The following SSH3 variants were observed in gnomAD, a reference collection of about 807,000 sequenced individuals.
SSH3 encodes protein phosphatase Slingshot homolog 3.
In SSH3, 67 loss-of-function variants were observed where a neutral mutation model predicts 75.0. The ratio of observed to expected loss-of-function variants is 0.89; its 90% CI spans 0.73 to 1.10. The LOEUF (loss-of-function observed/expected upper bound fraction) is 1.10, where lower values mean the gene tolerates loss of function less well. Among genes scored for constraint, SSH3 ranks in the 50% least tolerant of loss-of-function variants. The pLI is 0.00. For missense variants in SSH3, 824 were observed against 872.7 expected (o/e 0.94, Z 0.70); for synonymous variants, 318 against 349.2 (o/e 0.91, Z 1.00).
At chr11:67,305,664 C>G (rs2134769918) in intron 3 of SSH3, among the ~76,000 whole-genome samples, 1 of 152,244 alleles carries the variant, frequency 6.6e-6, no homozygotes, top group African/African-American at 2.4e-5. Flanking sequence ...TGAGCTGTCC[C>G]TAAATGGACC....
Position 67,310,074 on chromosome 11 carries a change from G to C in SSH3, c.1418G>C (p.Ser473Thr), listed in dbSNP as rs748207909. ...GGGCCACCTCCTCACAGCCGCCAGA[G>C]CCATGTCTGGGAGCAGAAAGTGGGT... ...YQGILTASRQ[S>T]HVWEQKVGGV... The change falls in exon 13 of 14, where the codon AGC becomes ACC. Residue 473 changes from serine to threonine, a missense_variant. Physicochemically the swap from Ser to Thr is moderately conservative, Grantham distance 58. Coordinates refer to ENST00000308127, the MANE Select transcript of SSH3 (RefSeq NM_017857.4). The C allele has an allele frequency of 6.2e-7, 1 of 1,613,192 alleles. No individual in the cohort carries two copies. The highest frequency in any genetic ancestry group is 8.5e-7 in the Non-Finnish European group (1 of 1,179,516).
Position 67,304,965 on chromosome 11 carries a change from C to A in SSH3, c.297C>A (p.His99Gln). Residue 99 changes from histidine (H) to glutamine (Q), a missense_variant, in exon 3 of 14, where the codon CAC becomes CAA. His to Gln is a conservative substitution (Grantham distance 24, BLOSUM62 0). Transcript: ENST00000308127. ...AGGAGGAGCAGAGGCAGCACCTGCA[C>A]CTCATGGTACAGCTGCTGAGGCCGC... ...QKQEEQRQHL[H>Q]LMVQLLRPQD... The A allele has an allele frequency of 3.1e-6, 5 of 1,613,234 alleles. No homozygotes were observed. The highest frequency in any genetic ancestry group is 4.2e-6 in the Non-Finnish European group (5 of 1,179,904).
Position 67,308,053 on chromosome 11 carries a change from T to G in SSH3, c.885+114T>G. On this transcript the variant is annotated intron_variant, in intron 8 of 13. Coordinates refer to ENST00000308127, the MANE Select transcript of SSH3 (RefSeq NM_017857.4). The surrounding 1 kb of genome is among the most constrained non-coding windows in gnomAD (Gnocchi z 4.9). ...AGTCCTGAGCCATTCCTGGATGCCT[T>G]GGCCTTGGCCCTAATCCATCTAGAT... is the stretch of plus-strand genomic sequence containing the variant. The G allele has an allele frequency of 6.3e-7, 1 of 1,591,990 alleles. No homozygotes were observed. The highest frequency in any genetic ancestry group is 2.2e-5 in the East Asian group (1 of 44,552).
rs1861298341 is a variant in SSH3, at chr11:67,308,034, G to A, written c.885+95G>A. 3.3e-5 allele frequency: 53 copies of A among 1,596,858 alleles called. No individual in the cohort carries two copies. In the South Asian group the frequency reaches 4.9e-4, roughly 15 times the overall value. ...CCCCACCTTGCCTGTCTCCAGTCCTGAGCCATTCCTGGATGCCTTGGCCTT... is the reference window on the plus strand; with the variant it reads ...CCCCACCTTGCCTGTCTCCAGTCCTAAGCCATTCCTGGATGCCTTGGCCTT... On this transcript the variant is annotated intron_variant, in intron 8 of 13. Coordinates refer to ENST00000308127, the MANE Select transcript of SSH3 (RefSeq NM_017857.4). The surrounding 1 kb of genome is among the most constrained non-coding windows in gnomAD (Gnocchi z 4.9).
At position 67,310,165 on chromosome 11, in the gene SSH3, A is replaced by G. The variant is rs146220260; in HGVS notation, c.1509A>G (p.Glu503=). 1.1e-4 allele frequency: 176 copies of G among 1,614,054 alleles called. No individual in the cohort carries two copies. The highest frequency in any genetic ancestry group is 1.4e-4 in the Non-Finnish European group (166 of 1,180,028). ...VSTPFPPLPP[E]PEGGGEEKVV... ...CACCATTCCCACCTCTTCCGCCAGA[A>G]CCTGAGGGTGGTGGGGAGGAGAAGG... The change falls in exon 13 of 14, where the codon GAA becomes GAG. Residue 503 remains glutamate (E), a synonymous_variant. Transcript: ENST00000308127.
intron 3 of SSH3, among the ~76,000 whole-genome samples, chr11:67,305,451 G>A (rs886993054): frequency 6.6e-6 from 1 of 152,192 alleles, no homozygotes; most frequent in African/African-American, 2.4e-5. Context: ...GCCTCCCTAA[G>A]TGCTGGGATT....
intron 13 of SSH3, among the ~76,000 whole-genome samples, chr11:67,311,197 C>T (rs1030769016): frequency 6.6e-6 from 1 of 152,154 alleles, no homozygotes; most frequent in Admixed American, 6.5e-5. Context: ...CAGCACCGGA[C>T]GCACGCATCC....
Position 67,310,355 on chromosome 11 carries a change from G to T in SSH3, c.1683+16G>T. On this transcript the variant is annotated intron_variant, in intron 13 of 13. Coordinates refer to ENST00000308127, the MANE Select transcript of SSH3 (RefSeq NM_017857.4). The stretch of plus-strand genomic sequence containing the variant: ...CATGCCAGAGGTGAGGCTGGGGCTG[G>T]GGGAGCTCAGCTTGCAGGGGTGGGG... 6.3e-7 allele frequency: 1 copy of T among 1,589,218 alleles called. No homozygotes were observed. The highest frequency in any genetic ancestry group is 1.1e-5 in the South Asian group (1 of 87,860).
In SSH3 at chr11:67,311,689, G is replaced by A. The variant is rs1861419366; in HGVS notation, c.1782G>A (p.Gln594=). ...KGGQQVDRGP[Q]PALKSRQSVV... ...GCCAGCAGGTGGACAGGGGGCCTCA[G>A]CCTGCCCTGAAGTCCCGCCAGTCAG... is the stretch of plus-strand genomic sequence containing the variant. The change falls in exon 14 of 14, where the codon CAG becomes CAA. Residue 594 remains glutamine, a synonymous_variant. Coordinates refer to ENST00000308127, the MANE Select transcript of SSH3 (RefSeq NM_017857.4). 1 of 1,614,078 alleles carries A rather than the reference G, an allele frequency of 6.2e-7. No homozygotes were observed. Among genetic ancestry groups the A allele is most frequent in the East Asian group, 2.2e-5 (1 of 44,870 alleles).
intron 13 of SSH3, 38 bp downstream of exon 13, chr11:67,310,377 G>A: frequency 6.4e-7 from 1 of 1,569,928 alleles, no homozygotes; most frequent in Admixed American, 1.8e-5. Context: ...TTGCAGGGGT[G>A]GGGGCCATAA....
chr11:67,310,965 C>T (rs1861393854), intron 13 of SSH3, among the ~76,000 whole-genome samples: 1 of 152,230 alleles, frequency 6.6e-6, no homozygotes, highest in Non-Finnish European at 1.5e-5. Flanking sequence ...CTGCCTAAGT[C>T]AGCACCCTTG....
In SSH3 at chr11:67,310,189, G is replaced by A; in HGVS notation, c.1533G>A (p.Lys511=). 2 of 1,614,232 alleles carry A rather than the reference G, an allele frequency of 1.2e-6. No individual in the cohort carries two copies. The highest frequency in any genetic ancestry group is 1.7e-6 in the Non-Finnish European group (2 of 1,180,036). The stretch of plus-strand genomic sequence containing the variant: ...AACCTGAGGGTGGTGGGGAGGAGAA[G>A]GTTGTAGGCATGGAAGAGAGCCAGG... ...PPEPEGGGEE[K]VVGMEESQAA... The change falls in exon 13 of 14, where the codon AAG becomes AAA. Residue 511 remains lysine, a synonymous_variant. Transcript: ENST00000308127.
rs903215428 is a variant in SSH3, at chr11:67,308,908, G to A, written c.1061+450G>A. Among the ~76,000 whole-genome samples, 2 of 152,034 alleles carry A rather than the reference G, an allele frequency of 1.3e-5. No individual in the cohort carries two copies. The highest frequency in any genetic ancestry group is 2.9e-5 in the Non-Finnish European group (2 of 68,000). Reference sequence around the variant, plus strand: ...AGCCTGGGCAACAGAGAGAGACCCTGTCTCTAAAAAATAAGAAAAAAGAAA... The same window carrying A: ...AGCCTGGGCAACAGAGAGAGACCCTATCTCTAAAAAATAAGAAAAAAGAAA... On this transcript the variant is annotated intron_variant, in intron 10 of 13. Transcript: ENST00000308127. The surrounding 1 kb of genome is among the most constrained non-coding windows in gnomAD (Gnocchi z 4.9).
rs2134767278 is a variant in SSH3, at chr11:67,305,027, T to C, written c.339+20T>C. The C allele has an allele frequency of 3.3e-6, 5 of 1,511,476 alleles. No homozygotes were observed. The highest frequency in any genetic ancestry group is 4.5e-6 in the Non-Finnish European group (5 of 1,101,108). The allele number at this position is 1,511,476 out of a possible 1,614,324, so 93.6% of individuals were successfully genotyped here. Reference sequence around the variant, plus strand: ...CGCCTGGTGAGGGCCCATGTGGAGCTCCGGGGGGTGGGGGGAAGAGACACG... The same window carrying C: ...CGCCTGGTGAGGGCCCATGTGGAGCCCCGGGGGGTGGGGGGAAGAGACACG... On this transcript the variant is annotated intron_variant, in intron 3 of 13. Transcript: ENST00000308127.
Position 67,311,577 on chromosome 11 carries a change from T to TCACA in SSH3, c.1684-12_1684-9dup, listed in dbSNP as rs1262876411. 8 of 1,613,388 alleles carry TCACA rather than the reference T, an allele frequency of 5.0e-6. No homozygotes were observed. The highest frequency in any genetic ancestry group is 5.1e-6 in the Non-Finnish European group (6 of 1,179,898). ...AAGGCCTCCCATGGCTTCCGTATCC[T>TCACA]CACACCTGTCCAGGTCTTCTCTTCC... On this transcript the variant is annotated splice_polypyrimidine_tract_variant and intron_variant, in intron 13 of 13. Coordinates refer to ENST00000308127, the MANE Select transcript of SSH3 (RefSeq NM_017857.4).
chr11:67,304,084 C>A, intron 1 of SSH3, 34 bp from the exon 2 acceptor site: 1 of 1,560,098 alleles, frequency 6.4e-7, no homozygotes. Flanking sequence ...GCCCTCCCCG[C>A]CCTCACCCTG....
At chr11:67,304,636 C>G in intron 2 of SSH3, 137 bp from the exon 3 acceptor site, 1 of 831,918 alleles carries the variant, frequency 1.2e-6, no homozygotes, top group Non-Finnish European at 1.9e-6. Context: ...GGCCTCCACT[C>G]TAGACCTATC....
rs1272327540 is a variant in SSH3 at position 67,303,653 on chromosome 11, C to T, written c.28C>T (p.Pro10Ser). MALVTVSRS[P>S]PGSGASTPVG... ...GGCCCTGGTCACAGTGAGCCGTTCG[C>T]CCCCGGGCAGCGGCGCCTCCACGCC... is the stretch of plus-strand genomic sequence containing the variant. Residue 10 changes from proline to serine, a missense_variant, in exon 1 of 14, where the codon CCC becomes TCC. Physicochemically the swap from Pro to Ser is moderately conservative, Grantham distance 74. Coordinates refer to ENST00000308127, the MANE Select transcript of SSH3 (RefSeq NM_017857.4). The T allele has an allele frequency of 2.6e-6, 4 of 1,513,102 alleles. No individual in the cohort carries two copies. The highest frequency in any genetic ancestry group is 3.5e-6 in the Non-Finnish European group (4 of 1,137,270). 93.7% of individuals were successfully genotyped at this position (1,513,102 alleles called of 1,614,324 possible).
At position 67,312,027 on chromosome 11, in the gene SSH3, T is replaced by G. The variant is rs1428866206; in HGVS notation, c.*140T>G. The G allele has an allele frequency of 7.9e-6, 9 of 1,143,656 alleles. No individual in the cohort carries two copies. Among genetic ancestry groups the G allele is most frequent in the Non-Finnish European group, 1.1e-5 (9 of 848,638 alleles). The allele number at this position is 1,143,656 out of a possible 1,614,324, so 70.8% of individuals were successfully genotyped here. On this transcript the variant is annotated 3_prime_UTR_variant, in exon 14 of 14. Coordinates refer to ENST00000308127, the MANE Select transcript of SSH3 (RefSeq NM_017857.4). ...ACTACAGCCTCACCTCCCACCCCTG[T>G]CACTACGGCCTCACCTCCCACCCCT...
Sources: allele counts gnomAD v4.1 joint callset (sites outside exome capture counted in the v4.1 genomes callset), GRCh38; gene constraint gnomAD v4.1.1; non-coding constraint Gnocchi (gnomAD v3.1); transcripts MANE v1.5; gene names NCBI Gene and HGNC (gene_info 2026-07-23, HGNC 2026-07-21).